The following UTP4 variants were observed in gnomAD, a reference collection of about 807,000 sequenced individuals.
UTP4 encodes the protein UTP4 small subunit processome component.
Under a neutral mutation model 82.4 loss-of-function variants are expected in UTP4, and 45 were observed. That is an observed-to-expected ratio of 0.55 (90% CI 0.43 to 0.70). The LOEUF (loss-of-function observed/expected upper bound fraction) is 0.70, where lower values mean the gene tolerates loss of function less well. UTP4 is among the 30% of genes least tolerant of loss of function. The pLI is 0.00. For synonymous variants in UTP4, 348 were observed against 300.3 expected, an observed-to-expected ratio of 1.16 and a Z score of -1.64; for missense variants, 819 against 858.3, an observed-to-expected ratio of 0.95 and a Z score of 0.57.
intron 5 of UTP4, among the ~76,000 whole-genome samples, chr16:69,140,894 G>A (rs1226263113): frequency 6.6e-6 from 1 of 152,064 alleles, no homozygotes; most frequent in Admixed American, 6.6e-5. Flanking sequence ...GTCTGCCACA[G>A]GCATCCACAC....
At chr16:69,165,281 A>T in intron 14 of UTP4, 60 bp from the exon 15 acceptor site, 1 of 1,421,416 alleles carries the variant, frequency 7.0e-7, no homozygotes, top group Non-Finnish European at 9.9e-7. Flanking sequence ...AGGGATGAGA[A>T]TGCCCTTCTG....
At chr16:69,158,529 A>G (rs974257867) in intron 12 of UTP4, among the ~76,000 whole-genome samples, 1 of 152,120 alleles carries the variant, frequency 6.6e-6, no homozygotes, top group Non-Finnish European at 1.5e-5. Context: ...ACAGGAGAAG[A>G]AACCCACAAG....
intron 5 of UTP4, 117 bp from the exon 6 acceptor site, chr16:69,143,061 T>C: frequency 2.0e-6 from 2 of 1,020,584 alleles, no homozygotes; most frequent in Admixed American, 1.8e-5. Context: ...TCTCACTTCG[T>C]TGCCTAGGCT....
chr16:69,153,706 A>G (rs377096317), intron 9 of UTP4, 26 bp downstream of exon 9: 34 of 1,477,418 alleles, frequency 2.3e-5, no homozygotes, highest in African/African-American at 4.1e-5. Flanking sequence ...GTTTTTTTCA[A>G]TAAGAAAACT....
intron 10 of UTP4, 60 bp from the exon 11 acceptor site, chr16:69,155,811 C>T: frequency 6.2e-7 from 1 of 1,601,528 alleles, no homozygotes; most frequent in East Asian, 2.2e-5. Context: ...CGTCATGTCC[C>T]AGTGCACCTT....
chr16:69,168,433 C>CAAAAA (rs34234554), intron 16 of UTP4, among the ~76,000 whole-genome samples: 1 of 51,600 alleles, frequency 1.9e-5, no homozygotes, highest in African/African-American at 7.2e-5. Flanking sequence ...GAGACTGTCT[C>CAAAAA]AAAAAAAAAA....
At chr16:69,160,587 T>C (rs543912564) in intron 13 of UTP4, 125 bp downstream of exon 13, 1 of 711,484 alleles carries the variant, frequency 1.4e-6, no homozygotes, top group Non-Finnish European at 2.4e-6. Context: ...CTTTTTATTT[T>C]CTTTTCTTTT....
At chr16:69,144,019 C>G (rs906255201) in intron 6 of UTP4, among the ~76,000 whole-genome samples, 2 of 151,356 alleles carry the variant, frequency 1.3e-5, no homozygotes, top group Non-Finnish European at 2.9e-5. Context: ...TCCCCAGTAG[C>G]TCGGATTACA....
chr16:69,135,197 A>G (rs774471241), intron 2 of UTP4, among the ~76,000 whole-genome samples: 5 of 152,080 alleles, frequency 3.3e-5, no homozygotes, highest in South Asian at 2.1e-4. Context: ...CCATTTATCA[A>G]GCGCCTCCTA....
rs1028701206 is a variant in UTP4 at position 69,153,760 on chromosome 16, T to A, written c.1099+80T>A. On this transcript the variant is annotated intron_variant, in intron 9 of 16. Coordinates refer to ENST00000314423, the MANE Select transcript of UTP4 (RefSeq NM_032830.3). Reference sequence around the variant, plus strand: ...TCAGAATTGCGGTTGGAATTCTGCTTATAGAAAAACTGAAGTAGACTTTTG... The same window carrying A: ...TCAGAATTGCGGTTGGAATTCTGCTAATAGAAAAACTGAAGTAGACTTTTG... 3 of 975,498 alleles carry A rather than the reference T, an allele frequency of 3.1e-6. No homozygotes were observed. The South Asian group carries it at 4.1e-5, about 13-fold the overall frequency. 60.4% of individuals were successfully genotyped at this position (975,498 alleles called of 1,614,324 possible). A position where few individuals can be genotyped will look rare whatever the true frequency, so the allele number is the denominator to read the frequency against.
intron 12 of UTP4, 114 bp from the exon 13 acceptor site, chr16:69,160,242 C>T: frequency 3.6e-6 from 3 of 824,114 alleles, no homozygotes; most frequent in East Asian, 2.4e-5. Flanking sequence ...AGCAAATTAT[C>T]CTGGCAGTGA....
intron 13 of UTP4, among the ~76,000 whole-genome samples, chr16:69,162,449 C>T (rs956840391): frequency 3.3e-5 from 5 of 151,420 alleles, no homozygotes; most frequent in Admixed American, 2.6e-4. Flanking sequence ...CAGTGGTTCA[C>T]GCCTATAATC....
At chr16:69,160,042 CAATT>C (rs1410498761) in intron 12 of UTP4, among the ~76,000 whole-genome samples, 1 of 150,858 alleles carries the variant, frequency 6.6e-6, no homozygotes, top group East Asian at 1.9e-4. Flanking sequence ...GAGTTTGAAA[CAATT>C]AAAGTATATA....
At chr16:69,152,464 CTTTTTTTTT>C (rs58914042) in intron 8 of UTP4, among the ~76,000 whole-genome samples, 2 of 107,152 alleles carry the variant, frequency 1.9e-5, no homozygotes, top group Middle Eastern at 5.1e-3. Flanking sequence ...TTCTGTTTTT[CTTTTTTTTT>C]TTTTTTTTTT....
chr16:69,137,731 T>C, intron 3 of UTP4, 70 bp from the exon 4 acceptor site: 1 of 820,326 alleles, frequency 1.2e-6, no homozygotes, highest in South Asian at 1.4e-5. Context: ...TTGGGGGGTG[T>C]GTGTGTGTGT....
chr16:69,134,356 TG>T (rs1962748737), intron 2 of UTP4, among the ~76,000 whole-genome samples: 1 of 152,072 alleles, frequency 6.6e-6, no homozygotes, highest in Admixed American at 6.6e-5. Context: ...TGGCAAATAC[TG>T]GGCACTAAGA....
chr16:69,164,139 C>T (rs1010573346), intron 14 of UTP4, among the ~76,000 whole-genome samples: 1 of 152,106 alleles, frequency 6.6e-6, no homozygotes, highest in Admixed American at 6.6e-5. Flanking sequence ...CCGCCTCGGC[C>T]TCCCAAAGTG....
chr16:69,158,614 A>G (rs934008669), intron 12 of UTP4, among the ~76,000 whole-genome samples: 4 of 152,126 alleles, frequency 2.6e-5, no homozygotes, highest in Non-Finnish European at 4.4e-5. Flanking sequence ...TTTATCTTAT[A>G]TCTAGCTCTC....
In UTP4 at chr16:69,165,563, G is replaced by T. The variant is rs748198907; in HGVS notation, c.1833+37G>T. 3 of 1,556,318 alleles carry T rather than the reference G, an allele frequency of 1.9e-6. No individual in the cohort carries two copies. The South Asian group carries it at 3.3e-5, about 17-fold the overall frequency. ...ACTGCTACCTCCCAAATCTTCTTCT[G>T]AATCTTAAAGTTCTAAAAGCAACAA... On this transcript the variant is annotated intron_variant, in intron 15 of 16. Coordinates refer to ENST00000314423, the MANE Select transcript of UTP4 (RefSeq NM_032830.3).
Sources: gnomAD v4.1 joint callset for allele counts (sites outside exome capture counted in the v4.1 genomes callset) on GRCh38, gnomAD v4.1.1 for gene constraint, MANE v1.5 for transcripts, NCBI Gene and HGNC (gene_info 2026-07-23, HGNC 2026-07-21) for gene names.